KCNK2: variants seen among roughly 807,000 people sequenced by gnomAD.
KCNK2 encodes potassium two pore domain channel subfamily K member 2, also known as potassium channel subfamily K member 2.
KCNK2 carries 21 observed loss-of-function variants against 40.5 expected under a neutral mutation model. The ratio of observed to expected loss-of-function variants is 0.52; its 90% confidence interval spans 0.37 to 0.75. The LOEUF (loss-of-function observed/expected upper bound fraction) is 0.75, where lower values mean the gene tolerates loss of function less well. KCNK2 is among the 30% of genes least tolerant of loss of function. The pLI, the probability that KCNK2 is intolerant of heterozygous loss-of-function variation, is 0.00. For synonymous variants in KCNK2, 191 were observed against 202.2 expected (o/e 0.94, Z 0.47); for missense variants, 399 against 531.6 (o/e 0.75, Z 2.45).
At chr1:215,154,032 G>A (rs1662802110) in intron 3 of KCNK2, among the ~76,000 whole-genome samples, 1 of 152,090 alleles carries the variant, frequency 6.6e-6, no homozygotes. Context: ...CTTTGCTATT[G>A]TAAATAATGC....
intron 6 of KCNK2, among the ~76,000 whole-genome samples, chr1:215,207,413 G>A (rs1665361811): frequency 2.6e-5 from 4 of 152,190 alleles, no homozygotes; most frequent in African/African-American, 9.7e-5. Context: ...CCCCAGCTCT[G>A]TCCGTGGAAA....
At chr1:215,050,713 T>A (rs917335948) in intron 1 of KCNK2, among the ~76,000 whole-genome samples, 3 of 152,132 alleles carry the variant, frequency 2.0e-5, no homozygotes, top group Non-Finnish European at 4.4e-5. Flanking sequence ...ACATATAAAA[T>A]CAAGAGGTGT....
chr1:215,018,982 A>AAC (rs201570856), intron 1 of KCNK2, among the ~76,000 whole-genome samples: 7 of 124,656 alleles, frequency 5.6e-5, no homozygotes, highest in African/African-American at 1.8e-4. Context: ...ATTCTCTCTC[A>AAC]ACACACACAC....
chr1:215,081,965 G>A (rs888782534), upstream of KCNK2: 1 of 152,184 alleles, frequency 6.6e-6, no homozygotes, highest in Admixed American at 6.5e-5. Context: ...GGATCCTGAT[G>A]GGGAGGAGGT....
intron 1 of KCNK2, among the ~76,000 whole-genome samples, chr1:215,045,461 CA>C (rs1657734831): frequency 6.6e-6 from 1 of 152,138 alleles, no homozygotes; most frequent in Admixed American, 6.5e-5. Flanking sequence ...AACTAAAATT[CA>C]AAGAGAACTG....
intron 1 of KCNK2, among the ~76,000 whole-genome samples, chr1:215,023,290 A>T (rs2841603): frequency 0.44 from 66,858 of 152,062 alleles, 16,405 homozygotes; most frequent in Non-Finnish European, 0.55. Context: ...CTTTGGGCTC[A>T]GGCCAGCCCT....
chr1:215,058,013 A>G (rs1658228462), intron 1 of KCNK2, among the ~76,000 whole-genome samples: 1 of 152,168 alleles, frequency 6.6e-6, no homozygotes, highest in African/African-American at 2.4e-5. Context: ...AAGTGAGAAT[A>G]ATAAAGAGAT....
chr1:215,050,502 C>T (rs1657949217), intron 1 of KCNK2, among the ~76,000 whole-genome samples: 1 of 152,056 alleles, frequency 6.6e-6, no homozygotes, highest in Admixed American at 6.5e-5. Context: ...GTACTTCGTT[C>T]ATTCATATTT....
chr1:215,039,953 A>G (rs2102491787), intron 1 of KCNK2, among the ~76,000 whole-genome samples: 1 of 152,270 alleles, frequency 6.6e-6, no homozygotes, highest in East Asian at 1.9e-4. Context: ...GAGACTGAGC[A>G]ATCTGGAAGT....
chr1:215,012,362 G>T (rs1158874839), intron 1 of KCNK2, among the ~76,000 whole-genome samples: 2 of 152,054 alleles, frequency 1.3e-5, no homozygotes, highest in East Asian at 3.9e-4. Flanking sequence ...GTTCTAATAG[G>T]TGTATAGTGG....
chr1:215,055,350 T>C (rs1658121877), intron 1 of KCNK2, among the ~76,000 whole-genome samples: 1 of 152,180 alleles, frequency 6.6e-6, no homozygotes. Flanking sequence ...CAGTTATTCA[T>C]GAATACAAAG....
intron 3 of KCNK2, among the ~76,000 whole-genome samples, chr1:215,160,733 TTGG>T (rs1384236176): frequency 6.6e-6 from 1 of 152,090 alleles, no homozygotes; most frequent in Non-Finnish European, 1.5e-5. Context: ...ACTTTAAGTG[TTGG>T]TGTTTTTTGG....
intron 5 of KCNK2, among the ~76,000 whole-genome samples, chr1:215,174,880 G>T (rs989046017): frequency 6.6e-6 from 1 of 151,990 alleles, no homozygotes; most frequent in African/African-American, 2.4e-5. Flanking sequence ...GAGACGATGG[G>T]GTTTTCTAGA....
chr1:215,163,811 T>G (rs1025716154), intron 3 of KCNK2, among the ~76,000 whole-genome samples: 1 of 152,186 alleles, frequency 6.6e-6, no homozygotes, highest in Non-Finnish European at 1.5e-5. Flanking sequence ...TGCTGCTGGA[T>G]TCAATTTGTC....
intron 5 of KCNK2, among the ~76,000 whole-genome samples, chr1:215,190,066 G>A (rs896202826): frequency 3.3e-5 from 5 of 152,072 alleles, no homozygotes; most frequent in African/African-American, 7.2e-5. Flanking sequence ...ACCTTAGTCC[G>A]GAGTGGCTAG....
intron 1 of KCNK2, among the ~76,000 whole-genome samples, chr1:215,019,250 T>C (rs770915809): frequency 2.6e-5 from 4 of 152,206 alleles, no homozygotes; most frequent in African/African-American, 7.2e-5. Context: ...GCAGATAAAA[T>C]TGCTTACTAT....
At chr1:215,118,882 A>G (rs1661060472) in intron 2 of KCNK2, among the ~76,000 whole-genome samples, 1 of 152,168 alleles carries the variant, frequency 6.6e-6, no homozygotes, top group South Asian at 2.1e-4. Flanking sequence ...ATGTGATTCT[A>G]CTTTTAGGAT....
chr1:215,163,588 G>T (rs1378466211), intron 3 of KCNK2, among the ~76,000 whole-genome samples: 2 of 152,060 alleles, frequency 1.3e-5, no homozygotes, highest in African/African-American at 2.4e-5. Context: ...TTTGAGATAT[G>T]TTACATCGGT....
chr1:215,226,017 T>C (rs1265375194), intron 6 of KCNK2, among the ~76,000 whole-genome samples: 1 of 152,306 alleles, frequency 6.6e-6, no homozygotes, highest in Non-Finnish European at 1.5e-5. Context: ...CCTATCAATC[T>C]TATGTACTTC....
Sources: gnomAD v4.1 joint callset for allele counts (sites outside exome capture counted in the v4.1 genomes callset) on GRCh38, gnomAD v4.1.1 for gene constraint, MANE v1.5 for transcripts, NCBI Gene and HGNC (gene_info 2026-07-23, HGNC 2026-07-21) for gene names.